The following CRYM variants were observed in gnomAD, a reference collection of about 807,000 sequenced individuals.
CRYM encodes crystallin mu.
Under a neutral mutation model 32.9 loss-of-function variants are expected in CRYM, and 18 were observed. The ratio of observed to expected loss-of-function variants is 0.55; its 90% CI spans 0.38 to 0.81. CRYM has a LOEUF of 0.81. CRYM is among the 30% of genes least tolerant of loss of function. The pLI is 0.00. For synonymous variants in CRYM, 153 were observed against 152.4 expected (o/e 1.00, Z -0.03); for missense variants, 337 against 393.5 (o/e 0.86, Z 1.21).
At chr16:21,301,625 A>C (rs1226154430) in intron 1 of CRYM, among the ~76,000 whole-genome samples, 2 of 152,120 alleles carry the variant, frequency 1.3e-5, no homozygotes, top group Admixed American at 6.5e-5. Context: ...GGGACTGAGG[A>C]GGTTCTTGCG....
At chr16:21,282,586 C>T (rs2093400069), upstream of CRYM, among the ~76,000 whole-genome samples, 1 of 152,142 alleles carries the variant, frequency 6.6e-6, no homozygotes. Flanking sequence ...CTGACTCCCA[C>T]ATTACTAGAA....
chr16:21,287,057 T>A (rs1047792635), intron 1 of CRYM, among the ~76,000 whole-genome samples: 1 of 149,808 alleles, frequency 6.7e-6, no homozygotes, highest in Admixed American at 6.7e-5. Flanking sequence ...GCCACTGCAC[T>A]CCAGCCTGGG....
intron 1 of CRYM, among the ~76,000 whole-genome samples, chr16:21,297,606 T>C (rs960833301): frequency 3.3e-5 from 5 of 152,214 alleles, no homozygotes; most frequent in Non-Finnish European, 1.5e-5. Context: ...TATAACATAA[T>C]TGATACATAT....
At chr16:21,258,958 G>A (rs1012952557) in intron 7 of CRYM, 113 bp from the exon 8 acceptor site, 4 of 807,918 alleles carry the variant, frequency 5.0e-6, no homozygotes, top group Non-Finnish European at 8.7e-6. Context: ...AATGCCTATT[G>A]GAATAACAGG....
At chr16:21,263,290 A>G (rs2093357950) in intron 5 of CRYM, among the ~76,000 whole-genome samples, 1 of 152,134 alleles carries the variant, frequency 6.6e-6, no homozygotes, top group Admixed American at 6.5e-5. Flanking sequence ...AATCCCAGCT[A>G]CCTGGGAGGC....
Position 21,293,028 on chromosome 16 carries a change from A to AAAGATAGATAGATAGAT in CRYM, c.-193+9949_-193+9950insATCTATCTATCTATCTT, listed in dbSNP as rs140182454. Among the ~76,000 whole-genome samples, 3 of 150,364 alleles carry AAAGATAGATAGATAGAT rather than the reference A, an allele frequency of 2.0e-5. No individual in the cohort carries two copies. In the East Asian group the frequency reaches 5.9e-4, roughly 30 times the overall value. ...AATAGATGGATAGGTAAGTAGATAG[A>AAAGATAGATAGATAGAT]AGATAGATAGATAGATAGATAGATA... is the stretch of plus-strand genomic sequence containing the variant. On this transcript the variant is annotated intron_variant, in intron 1 of 9. Coordinates refer to the CRYM transcript ENST00000219599.
chr16:21,262,227 A>G, intron 5 of CRYM, 69 bp from the exon 6 acceptor site: 1 of 1,604,658 alleles, frequency 6.2e-7, no homozygotes, highest in South Asian at 1.1e-5. Flanking sequence ...CCCAAAGCAC[A>G]GGAGAGAGGT....
rs2093348685 is a variant in CRYM at position 21,258,613 on chromosome 16, T to G, written c.*168A>C. Reference sequence around the variant, plus strand: ...GAACAGAAGAAATGGCTACCTAGCTTTGCTTTCCAACTACAAACATAAATG... The same window carrying G: ...GAACAGAAGAAATGGCTACCTAGCTGTGCTTTCCAACTACAAACATAAATG... On this transcript the variant is annotated 3_prime_UTR_variant, in exon 8 of 8. Coordinates refer to ENST00000572914, the MANE Select transcript of CRYM (RefSeq NM_001376256.1). 1 of 683,472 alleles carries G rather than the reference T, an allele frequency of 1.5e-6. No individual in the cohort carries two copies. The highest frequency in any genetic ancestry group is 1.6e-5 in the South Asian group (1 of 60,722). 42.3% of individuals were successfully genotyped at this position (683,472 alleles called of 1,614,324 possible).
At position 21,262,320 on chromosome 16, in the gene CRYM, T is replaced by C. The variant is rs1047253005; in HGVS notation, c.674-162A>G. On this transcript the variant is annotated intron_variant, in intron 5 of 7. Coordinates refer to ENST00000572914, the MANE Select transcript of CRYM (RefSeq NM_001376256.1). ...TGCTCTCCCAATCAGTAGGACGAAA[T>C]ACTTATTAAGAAATAGGCCAGGTGT... 16 of 823,254 alleles carry C rather than the reference T, an allele frequency of 1.9e-5. No homozygotes were observed. In the Admixed American group the frequency reaches 3.4e-4, roughly 18 times the overall value. The allele number at this position is 823,254 out of a possible 1,614,324, so 51.0% of individuals were successfully genotyped here.
Position 21,296,385 on chromosome 16 carries a change from G to A in CRYM, c.-193+6593C>T, listed in dbSNP as rs155930. Among the ~76,000 whole-genome samples, 221 of 152,260 alleles carry A rather than the reference G, an allele frequency of 1.5e-3. 1 individual carries two copies. Among genetic ancestry groups the A allele is most frequent in the African/African-American group, 5.0e-3 (206 of 41,548 alleles). On this transcript the variant is annotated intron_variant, in intron 1 of 9. Transcript: ENST00000219599. Reference sequence around the variant, plus strand: ...TGAGAACTTGTCAGGGAGAAATAAGGCAATATCAATTCAAAACAATTATGA... The same window carrying A: ...TGAGAACTTGTCAGGGAGAAATAAGACAATATCAATTCAAAACAATTATGA...
At chr16:21,292,114 T>G (rs1430959386) in intron 1 of CRYM, among the ~76,000 whole-genome samples, 2 of 152,076 alleles carry the variant, frequency 1.3e-5, no homozygotes, top group African/African-American at 4.8e-5. Context: ...GGCCAAAAAT[T>G]GAAAATAACC....
At chr16:21,271,054 C>T (rs1448660823) in intron 3 of CRYM, among the ~76,000 whole-genome samples, 1 of 152,190 alleles carries the variant, frequency 6.6e-6, no homozygotes, top group African/African-American at 2.4e-5. Flanking sequence ...CCTACTATGA[C>T]CTACAAGAGG....
chr16:21,266,519 C>T (rs2093364029), intron 5 of CRYM, among the ~76,000 whole-genome samples: 2 of 152,142 alleles, frequency 1.3e-5, no homozygotes, highest in Non-Finnish European at 2.9e-5. Flanking sequence ...TGTCTAGAGC[C>T]CCCTCTCCTG....
Position 21,258,811 on chromosome 16 carries a change from G to A in CRYM, c.915C>T (p.Leu305=), listed in dbSNP as rs780006425. 11 of 1,614,080 alleles carry A rather than the reference G, an allele frequency of 6.8e-6. No individual in the cohort carries two copies. Among genetic ancestry groups the A allele is most frequent in the Non-Finnish European group, 9.3e-6 (11 of 1,180,000 alleles). Residue 305 remains leucine (L), a synonymous_variant, in exon 8 of 8, where the codon CTC becomes CTT. Coordinates refer to ENST00000572914, the MANE Select transcript of CRYM (RefSeq NM_001376256.1). ...MAVEDTVAAK[L]IYDSWSSGK ...TACCAGATGACCAGGAATCATAGAT[G>A]AGTTTGGCTGCAACTGTGTCTTCCA...
chr16:21,261,920 G>A (rs2152861277), intron 6 of CRYM, 117 bp downstream of exon 6: 1 of 1,246,724 alleles, frequency 8.0e-7, no homozygotes, highest in East Asian at 2.3e-5. Flanking sequence ...TCCCCTACAA[G>A]GAGGTGGGGT....
At chr16:21,292,508 T>A (rs1960683986) in intron 1 of CRYM, among the ~76,000 whole-genome samples, 1 of 152,198 alleles carries the variant, frequency 6.6e-6, no homozygotes, top group Admixed American at 6.5e-5. Context: ...AATTGATTTA[T>A]ACGCTCAAAA....
At chr16:21,299,541 C>A (rs1035084877) in intron 1 of CRYM, among the ~76,000 whole-genome samples, 1 of 152,194 alleles carries the variant, frequency 6.6e-6, no homozygotes, top group Non-Finnish European at 1.5e-5. Flanking sequence ...AACTCCTGAC[C>A]TCAGGTGATC....
At chr16:21,274,747 A>C (rs989419168) in intron 3 of CRYM, among the ~76,000 whole-genome samples, 2 of 151,982 alleles carry the variant, frequency 1.3e-5, no homozygotes, top group African/African-American at 2.4e-5. Flanking sequence ...CTGAGATTAT[A>C]GGCGCCCACC....
In CRYM at chr16:21,277,414, G is replaced by T; in HGVS notation, c.324+17C>A. 2 of 1,611,858 alleles carry T rather than the reference G, an allele frequency of 1.2e-6. No individual in the cohort carries two copies. Among genetic ancestry groups the T allele is most frequent in the Non-Finnish European group, 8.5e-7 (1 of 1,179,838 alleles). ...GCCCAGGGGCCCCATTCCACCCCGG[G>T]ACAGGAAGTTGCTCACCGCCAGCAG... On this transcript the variant is annotated intron_variant, in intron 2 of 7. Transcript: ENST00000572914. This position sits in a 1 kb window ranked among gnomAD's most constrained non-coding sequence, Gnocchi z 4.2.
Sources: gnomAD v4.1 joint callset for allele counts (sites outside exome capture counted in the v4.1 genomes callset) on GRCh38, gnomAD v4.1.1 for gene constraint, Gnocchi (gnomAD v3.1) non-coding constraint, MANE v1.5 for transcripts, NCBI Gene and HGNC (gene_info 2026-07-23, HGNC 2026-07-21) for gene names.